C5orf24: variants seen among roughly 807,000 people sequenced by gnomAD.
C5orf24 encodes the protein UPF0461 protein C5orf24.
C5orf24 carries 4 observed loss-of-function variants against 9.8 expected under a neutral mutation model. That is an observed-to-expected ratio of 0.41 (90% CI 0.20 to 0.93). The LOEUF (loss-of-function observed/expected upper bound fraction) is 0.93. Ranked by LOEUF, C5orf24 falls within the 40% of genes least tolerant of loss-of-function variation. The pLI is 0.33. For missense variants in C5orf24, 170 were observed against 236.9 expected (o/e 0.72, Z 1.85); for synonymous variants, 73 against 81.3 (o/e 0.90, Z 0.55).
the C5orf24 span, among the ~76,000 whole-genome samples, chr5:134,838,406 C>CA: frequency 1.3e-5 from 2 of 152,308 alleles, no homozygotes; most frequent in South Asian, 4.1e-4. Flanking sequence ...TGCGGTGGCT[C>CA]ACGCCTGTAA....
upstream of C5orf24, among the ~76,000 whole-genome samples, chr5:134,843,805 T>G (rs1024512745): frequency 6.6e-6 from 1 of 152,238 alleles, no homozygotes; most frequent in Non-Finnish European, 1.5e-5. Context: ...TCCACCCGCC[T>G]TGGCCTCCCA....
the C5orf24 span, among the ~76,000 whole-genome samples, chr5:134,837,710 C>G: frequency 6.6e-6 from 1 of 151,276 alleles, no homozygotes; most frequent in African/African-American, 2.4e-5. Flanking sequence ...AGCTGGCTCT[C>G]TACCAGACAC....
Position 134,855,307 on chromosome 5 carries a change from T to G in C5orf24, c.407T>G (p.Val136Gly), listed in dbSNP as rs1322651269. ...LGTTKAAGYK[V>G]SPGRPPGSIK... ...ACAACTAAAGCTGCGGGATACAAAG[T>G]CAGCCCAGGCAGACCTCCAGGTAGC... Residue 136 changes from valine to glycine, a missense_variant, in exon 2 of 2, where the codon GTC becomes GGC. Around this residue, in one of 3 missense-constraint regions of C5orf24, gnomAD observed 21 missense variants for 72.2 expected, o/e 0.29. Coordinates refer to ENST00000394976, the MANE Select transcript of C5orf24 (RefSeq NM_001135586.1). 1 of 1,614,010 alleles carries G rather than the reference T, an allele frequency of 6.2e-7. No individual in the cohort carries two copies. The highest frequency in any genetic ancestry group is 1.7e-5 in the Admixed American group (1 of 59,980).
upstream of C5orf24, among the ~76,000 whole-genome samples, chr5:134,843,095 G>C (rs1228453442): frequency 1.3e-5 from 2 of 151,544 alleles, no homozygotes; most frequent in South Asian, 4.2e-4. Context: ...TCGTGCCTTA[G>C]CCTCCCGAGT....
chr5:134,856,751 T>C lies in C5orf24; in HGVS notation c.*1284T>C. 13 of 999,980 alleles carry C rather than the reference T, an allele frequency of 1.3e-5. No individual in the cohort carries two copies. The highest frequency in any genetic ancestry group is 1.6e-5 in the Non-Finnish European group (13 of 829,730). The allele number at this position is 999,980 out of a possible 1,614,324, so 61.9% of individuals were successfully genotyped here. ...TTTTCTCAGAAATTGTCCCATTGCA[T>C]TAGCACTTACTGTGTTTTCAGGTTG... On this transcript the variant is annotated 3_prime_UTR_variant, in exon 2 of 2. Coordinates refer to ENST00000394976, the MANE Select transcript of C5orf24 (RefSeq NM_001135586.1).
chr5:134,846,843 T>C (rs1554158817), intron 1 of C5orf24: 1 of 152,196 alleles, frequency 6.6e-6, no homozygotes, highest in Non-Finnish European at 1.5e-5. Flanking sequence ...CTCTGCTGAA[T>C]GGACTTTCAG....
chr5:134,843,086 C>T (rs558640780), upstream of C5orf24, among the ~76,000 whole-genome samples: 3 of 151,824 alleles, frequency 2.0e-5, no homozygotes, highest in Non-Finnish European at 2.9e-5. Flanking sequence ...AAGTGATTCT[C>T]GTGCCTTAGC....
upstream of C5orf24, among the ~76,000 whole-genome samples, chr5:134,844,198 A>G (rs1755940439): frequency 6.6e-6 from 1 of 152,238 alleles, no homozygotes; most frequent in Non-Finnish European, 1.5e-5. Context: ...CTCAAGAGCA[A>G]AAAAACCTTG....
chr5:134,848,078 C>G (rs1296082990), intron 1 of C5orf24, among the ~76,000 whole-genome samples: 1 of 152,104 alleles, frequency 6.6e-6, no homozygotes, highest in Non-Finnish European at 1.5e-5. Flanking sequence ...TTAGGGAGGC[C>G]AAGGCAGGCG....
At chr5:134,853,373 A>C (rs566742047) in intron 1 of C5orf24, among the ~76,000 whole-genome samples, 3 of 150,976 alleles carry the variant, frequency 2.0e-5, no homozygotes, top group South Asian at 4.2e-4. Context: ...AAAAAAAAAA[A>C]AAAAAAACCT....
chr5:134,837,068 G>A, the C5orf24 span, among the ~76,000 whole-genome samples: 3 of 152,062 alleles, frequency 2.0e-5, no homozygotes, highest in African/African-American at 7.2e-5. Flanking sequence ...CCGCCTCCCA[G>A]GTTCAAGTGA....
At chr5:134,838,151 C>CTCT in the C5orf24 span, among the ~76,000 whole-genome samples, 1 of 152,172 alleles carries the variant, frequency 6.6e-6, no homozygotes, top group African/African-American at 2.4e-5. Context: ...AGCCAAATTC[C>CTCT]AGATATAGAC....
At chr5:134,839,071 C>T in the C5orf24 span, among the ~76,000 whole-genome samples, 1 of 151,956 alleles carries the variant, frequency 6.6e-6, no homozygotes, top group Non-Finnish European at 1.5e-5. Context: ...TGGCCCGGCA[C>T]ACATCCATAG....
chr5:134,837,986 C>T, the C5orf24 span, among the ~76,000 whole-genome samples: 8 of 152,148 alleles, frequency 5.3e-5, no homozygotes, highest in African/African-American at 1.9e-4. Context: ...GTTGCTCACA[C>T]CTGTAATCCT....
Position 134,855,026 on chromosome 5 carries a change from C to G in C5orf24, c.126C>G (p.Tyr42Ter). ...TATATTCCTCCCAGCAAAGCAAATACAGCCACACAGTCAACCACAAACCAA... is the reference window on the plus strand; with the variant it reads ...TATATTCCTCCCAGCAAAGCAAATAGAGCCACACAGTCAACCACAAACCAA... ...FDIYSSQQSK[Y>*]SHTVNHKPMV... Residue 42 changes from tyrosine to a stop codon, truncating the protein, a stop_gained, in exon 2 of 2, where the codon TAC becomes TAG. Coordinates refer to ENST00000394976, the MANE Select transcript of C5orf24 (RefSeq NM_001135586.1). LOFTEE classifies it high-confidence loss of function. 1 of 1,614,148 alleles carries G rather than the reference C, an allele frequency of 6.2e-7. No individual in the cohort carries two copies. The highest frequency in any genetic ancestry group is 8.5e-7 in the Non-Finnish European group (1 of 1,180,032).
At chr5:134,851,557 A>C (rs1192079375) in intron 1 of C5orf24, among the ~76,000 whole-genome samples, 2 of 151,864 alleles carry the variant, frequency 1.3e-5, no homozygotes, top group Non-Finnish European at 2.9e-5. Flanking sequence ...GATGCTGCTA[A>C]ACATTGTACA....
the C5orf24 span, among the ~76,000 whole-genome samples, chr5:134,838,903 A>G: frequency 2.0e-5 from 3 of 152,076 alleles, no homozygotes; most frequent in South Asian, 2.1e-4. Flanking sequence ...TGTGTGTACT[A>G]TAGCACCTCA....
At chr5:134,853,528 C>CTTTTTTTTTTTTTTTTTT (rs773207000) in intron 1 of C5orf24, among the ~76,000 whole-genome samples, 22 of 104,244 alleles carry the variant, frequency 2.1e-4, no homozygotes, top group East Asian at 6.6e-4. Flanking sequence ...TCTTCTTCTT[C>CTTTTTTTTTTTTTTTTTT]TTTTTTTTTT....
At chr5:134,834,080 G>T in the C5orf24 span, among the ~76,000 whole-genome samples, 1 of 152,132 alleles carries the variant, frequency 6.6e-6, no homozygotes, top group Admixed American at 6.6e-5. Context: ...TACTTTAAAA[G>T]ACAGAATTTC....
Sources: gnomAD v4.1 joint callset for allele counts (sites outside exome capture counted in the v4.1 genomes callset) on GRCh38, gnomAD v4.1.1 for gene constraint, gnomAD v4.1.1 regional missense constraint, MANE v1.5 for transcripts, NCBI Gene and HGNC (gene_info 2026-07-23, HGNC 2026-07-21) for gene names.